ASTN2: variants seen among roughly 807,000 people sequenced by gnomAD.
The protein encoded by ASTN2 is astrotactin-2.
A neutral mutation model predicts 139.8 loss-of-function variants in ASTN2; 54 were observed. That is an observed-to-expected ratio of 0.39 (90% CI 0.31 to 0.48). The LOEUF (loss-of-function observed/expected upper bound fraction) is 0.48. Among genes scored for constraint, ASTN2 ranks in the 20% least tolerant of loss-of-function variants. The pLI, the probability that ASTN2 is intolerant of heterozygous loss-of-function variation, is 0.95. For missense variants in ASTN2, 1,565 were observed against 1,725.1 expected, an observed-to-expected ratio of 0.91 and a Z score of 1.64; for synonymous variants, 756 against 719.5, an observed-to-expected ratio of 1.05 and a Z score of -0.81.
intron 19 of ASTN2, among the ~76,000 whole-genome samples, chr9:116,517,564 A>G (rs948081655): frequency 6.6e-6 from 1 of 152,226 alleles, no homozygotes; most frequent in African/African-American, 2.4e-5. Context: ...AAGGAATCAG[A>G]AAAACAATTC....
At chr9:116,761,051 G>T (rs1829660507) in intron 13 of ASTN2, among the ~76,000 whole-genome samples, 1 of 152,188 alleles carries the variant, frequency 6.6e-6, no homozygotes, top group Non-Finnish European at 1.5e-5. Flanking sequence ...CCCATGCATG[G>T]TACAACGGGG....
chr9:117,370,216 T>C (rs1587988290), intron 1 of ASTN2, among the ~76,000 whole-genome samples: 1 of 152,122 alleles, frequency 6.6e-6, no homozygotes, highest in East Asian at 1.9e-4. Context: ...GTTCAGTGCT[T>C]TCCATTAACA....
intron 19 of ASTN2, among the ~76,000 whole-genome samples, chr9:116,600,377 A>G (rs142913168): frequency 6.6e-6 from 1 of 151,738 alleles, no homozygotes; most frequent in African/African-American, 2.4e-5. Context: ...AAAGAAAAAG[A>G]CTACTCAGCC....
chr9:116,656,500 A>G (rs1858220000), intron 16 of ASTN2, among the ~76,000 whole-genome samples: 1 of 152,140 alleles, frequency 6.6e-6, no homozygotes, highest in Non-Finnish European at 1.5e-5. Flanking sequence ...AACATTTTTG[A>G]AGAGACTTAT....
Position 116,711,548 on chromosome 9 carries a change from C to A in ASTN2, c.2806+14223G>T, listed in dbSNP as rs914594364. On this transcript the variant is annotated intron_variant, in intron 16 of 22. Transcript: ENST00000313400. Reference sequence around the variant, plus strand: ...TTTTTGATCACCAGATTGGTGTATACCCAGCTGCCCATTTTATATTGCCAG... The same window carrying A: ...TTTTTGATCACCAGATTGGTGTATAACCAGCTGCCCATTTTATATTGCCAG... 1.3e-4 allele frequency among the ~76,000 whole-genome samples: 20 copies of A among 152,228 alleles called. 1 individual carries two copies. Among genetic ancestry groups the A allele is most frequent in the South Asian group, 4.2e-4 (2 of 4,818 alleles).
At chr9:116,597,088 A>AT (rs202101002) in intron 19 of ASTN2, among the ~76,000 whole-genome samples, 23 of 118,546 alleles carry the variant, frequency 1.9e-4, no homozygotes, top group East Asian at 3.9e-4. Flanking sequence ...GGATGGTTAT[A>AT]TTTTTAAAAA....
chr9:117,172,755 A>G (rs1443123378), intron 3 of ASTN2, among the ~76,000 whole-genome samples: 2 of 152,176 alleles, frequency 1.3e-5, no homozygotes, highest in Non-Finnish European at 2.9e-5. Flanking sequence ...TCATTCAACA[A>G]TTCATTCATC....
At chr9:116,653,662 C>A (rs1033682973) in intron 16 of ASTN2, among the ~76,000 whole-genome samples, 1 of 152,136 alleles carries the variant, frequency 6.6e-6, no homozygotes, top group Non-Finnish European at 1.5e-5. Context: ...GCCCTGATGT[C>A]GGGGAGAAAA....
At chr9:117,388,516 C>T (rs994298639) in intron 1 of ASTN2, among the ~76,000 whole-genome samples, 5 of 152,186 alleles carry the variant, frequency 3.3e-5, no homozygotes, top group East Asian at 1.9e-4. Context: ...GAGCAAGCTC[C>T]TTCAGCAATT....
intron 3 of ASTN2, among the ~76,000 whole-genome samples, chr9:117,172,553 C>T (rs1372380681): frequency 6.6e-6 from 1 of 152,128 alleles, no homozygotes; most frequent in East Asian, 1.9e-4. Context: ...ATTCCTCACA[C>T]ACTTGAGGTA....
At chr9:117,149,352 T>C (rs945958798) in intron 3 of ASTN2, among the ~76,000 whole-genome samples, 2 of 152,132 alleles carry the variant, frequency 1.3e-5, no homozygotes, top group African/African-American at 2.4e-5. Flanking sequence ...TCTGGTTAGA[T>C]AGACAGATGA....
intron 10 of ASTN2, among the ~76,000 whole-genome samples, chr9:116,953,673 C>T (rs1214744061): frequency 2.0e-5 from 3 of 152,188 alleles, no homozygotes; most frequent in Non-Finnish European, 4.4e-5. Flanking sequence ...AAGATGGGTT[C>T]CCTGTATTGA....
chr9:116,893,733 AT>A (rs1326267481), intron 10 of ASTN2, among the ~76,000 whole-genome samples: 1 of 151,722 alleles, frequency 6.6e-6, no homozygotes, highest in Admixed American at 6.6e-5. Flanking sequence ...CTTAGTAATT[AT>A]TTCCCTTTAT....
At chr9:116,615,079 C>A (rs1564155682) in intron 19 of ASTN2, among the ~76,000 whole-genome samples, 1 of 152,162 alleles carries the variant, frequency 6.6e-6, no homozygotes, top group Non-Finnish European at 1.5e-5. Flanking sequence ...TGAACAGACA[C>A]TTCTCAAAAG....
At chr9:117,322,377 T>A (rs898249944) in intron 1 of ASTN2, among the ~76,000 whole-genome samples, 4 of 152,194 alleles carry the variant, frequency 2.6e-5, no homozygotes, top group African/African-American at 9.6e-5. Context: ...TCACCTGCCA[T>A]GTGTCAGTCC....
intron 2 of ASTN2, among the ~76,000 whole-genome samples, chr9:117,254,636 G>T (rs1206590892): frequency 6.6e-6 from 1 of 152,054 alleles, no homozygotes; most frequent in Non-Finnish European, 1.5e-5. Flanking sequence ...TCCCATTGGG[G>T]CCCACAATAA....
At chr9:116,694,652 T>C (rs573961489) in intron 16 of ASTN2, among the ~76,000 whole-genome samples, 1 of 148,616 alleles carries the variant, frequency 6.7e-6, no homozygotes, top group East Asian at 2.0e-4. Flanking sequence ...TTTGTATTTT[T>C]AGTAGAGACG....
At chr9:116,867,281 G>A (rs555325998) in intron 10 of ASTN2, among the ~76,000 whole-genome samples, 10 of 152,066 alleles carry the variant, frequency 6.6e-5, no homozygotes, top group Admixed American at 1.3e-4. Flanking sequence ...GAGAGAAGGT[G>A]GGAGGGAGAG....
At chr9:116,453,774 G>A (rs1848247799) in intron 20 of ASTN2, among the ~76,000 whole-genome samples, 2 of 152,118 alleles carry the variant, frequency 1.3e-5, no homozygotes, top group Admixed American at 1.3e-4. Flanking sequence ...TCTGGAGGGT[G>A]TTGTTTTTCA....
Sources: allele counts gnomAD v4.1 joint callset (sites outside exome capture counted in the v4.1 genomes callset), GRCh38; gene constraint gnomAD v4.1.1; transcripts MANE v1.5; gene names NCBI Gene and HGNC (gene_info 2026-07-23, HGNC 2026-07-21).